The following NLRP3 variants were observed in gnomAD, a reference collection of about 807,000 sequenced individuals.
NLRP3 encodes the protein NLR family pyrin domain containing 3, also known as NACHT, LRR and PYD domains-containing protein 3.
In NLRP3, 48 loss-of-function variants were observed where a neutral mutation model predicts 91.3. The ratio of observed to expected loss-of-function variants is 0.53; its 90% CI spans 0.42 to 0.67. NLRP3 has a LOEUF of 0.67. Among genes scored for constraint, NLRP3 ranks in the 30% least tolerant of loss-of-function variants. The pLI is 0.00. For missense variants in NLRP3, 982 were observed against 1,276.9 expected, an observed-to-expected ratio of 0.77 and a Z score of 3.52; for synonymous variants, 561 against 507.9, an observed-to-expected ratio of 1.10 and a Z score of -1.41.
chr1:247,440,613 TG>T (rs1315752817), intron 7 of NLRP3, among the ~76,000 whole-genome samples: 2 of 152,172 alleles, frequency 1.3e-5, no homozygotes, highest in Non-Finnish European at 2.9e-5. Flanking sequence ...GTTTTAGAGA[TG>T]GGGACTTGCT....
chr1:247,444,510 G>A, intron 8 of NLRP3, 141 bp from the exon 9 acceptor site: 4 of 825,040 alleles, frequency 4.8e-6, no homozygotes, highest in Non-Finnish European at 8.2e-6. Flanking sequence ...CAGCATACAA[G>A]GCTGCTTGAA....
At chr1:247,428,845 G>A (rs1446859868) in intron 4 of NLRP3, among the ~76,000 whole-genome samples, 4 of 151,336 alleles carry the variant, frequency 2.6e-5, no homozygotes, top group Non-Finnish European at 4.4e-5. Flanking sequence ...CCACCTCAGA[G>A]CTTCTGATTT....
In NLRP3 at chr1:247,424,042, T is replaced by C. The variant is rs1662671545; in HGVS notation, c.593T>C (p.Val198Ala). The C allele has an allele frequency of 6.2e-7, 1 of 1,613,724 alleles. No individual in the cohort carries two copies. The highest frequency in any genetic ancestry group is 8.5e-7 in the Non-Finnish European group (1 of 1,179,952). Reference sequence around the variant, plus strand: ...AAGACCAAGACGTGTGAGAGCCCCGTGAGTCCCATTAAGATGGAGTTGCTG... The same window carrying C: ...AAGACCAAGACGTGTGAGAGCCCCGCGAGTCCCATTAAGATGGAGTTGCTG... ...IGKTKTCESP[V>A]SPIKMELLFD... The change falls in exon 4 of 10, where the codon GTG (valine) becomes GCG (alanine). Residue 198 changes from valine to alanine, a missense_variant. By Grantham distance (64) the Val-to-Ala change is moderately conservative. Coordinates refer to ENST00000336119, the MANE Select transcript of NLRP3 (RefSeq NM_001243133.2). The surrounding 1 kb of genome is among the most constrained non-coding windows in gnomAD (Gnocchi z 8.1).
At chr1:247,446,592 C>T (rs1338851840) in intron 9 of NLRP3, among the ~76,000 whole-genome samples, 1 of 152,204 alleles carries the variant, frequency 6.6e-6, no homozygotes. Flanking sequence ...CAGTATCCAC[C>T]TGCATTATTC....
chr1:247,429,605 C>A lies in NLRP3; in HGVS notation c.2171C>A (p.Thr724Asn), dbSNP rs200018240. Residue 724 changes from threonine (T) to asparagine (N), a missense_variant, in exon 5 of 10, where the codon ACT (threonine) becomes AAT (asparagine). Thr to Asn is a moderately conservative substitution (Grantham distance 65). Transcript: ENST00000336119. ...CSHGLVNSHLTSSFCRGLFSV... is the reference protein window; with the variant it reads ...CSHGLVNSHLNSSFCRGLFSV... ...CCTAGATTGGTGAACAGCCACCTCACTTCCAGTTTTTGCCGGGGCCTCTTT... is the reference window on the plus strand; with the variant it reads ...CCTAGATTGGTGAACAGCCACCTCAATTCCAGTTTTTGCCGGGGCCTCTTT... The A allele has an allele frequency of 1.9e-6, 3 of 1,614,242 alleles. No individual in the cohort carries two copies. The highest frequency in any genetic ancestry group is 2.5e-6 in the Non-Finnish European group (3 of 1,180,034).
intron 2 of NLRP3, among the ~76,000 whole-genome samples, chr1:247,420,440 A>C (rs936753532): frequency 6.6e-6 from 1 of 151,716 alleles, no homozygotes; most frequent in African/African-American, 2.4e-5. Context: ...ATGGCCGGGC[A>C]TGGTGGCTCA....
At chr1:247,443,571 AAAAAG>A (rs1337245660) in intron 7 of NLRP3, among the ~76,000 whole-genome samples, 1 of 131,558 alleles carries the variant, frequency 7.6e-6, no homozygotes, top group African/African-American at 2.6e-5. Context: ...AAAAAAAAAA[AAAAAG>A]GCCCCTGCAG....
intron 5 of NLRP3, among the ~76,000 whole-genome samples, chr1:247,432,148 G>C (rs945056996): frequency 6.6e-6 from 1 of 152,190 alleles, no homozygotes; most frequent in African/African-American, 2.4e-5. Context: ...CTCCCAAAGT[G>C]CTGGGATTAC....
intron 5 of NLRP3, among the ~76,000 whole-genome samples, chr1:247,431,350 C>G (rs1397433966): frequency 6.6e-6 from 1 of 152,206 alleles, no homozygotes; most frequent in Non-Finnish European, 1.5e-5. Flanking sequence ...AGGAGCTGCA[C>G]AGCAAGTGTT....
Position 247,444,794 on chromosome 1 carries a change from A to G in NLRP3, c.2978A>G (p.Gln993Arg), listed in dbSNP as rs369737015. 3 of 1,613,946 alleles carry G rather than the reference A, an allele frequency of 1.9e-6. No individual in the cohort carries two copies. In the African/African-American group the frequency reaches 4.0e-5, roughly 22 times the overall value. The change falls in exon 9 of 10, where the codon CAG becomes CGG. Residue 993 changes from glutamine (Q) to arginine (R), a missense_variant. Coordinates refer to ENST00000336119, the MANE Select transcript of NLRP3 (RefSeq NM_001243133.2). ...ATGATGTTCTGTGAAGTGCTGAAAC[A>G]GCAGAGCTGCCTCCTGCAGAACCTG... Reference protein sequence around the residue: ...GVMMFCEVLKQQSCLLQNLGL... With the variant: ...GVMMFCEVLKRQSCLLQNLGL...
Position 247,434,218 on chromosome 1 carries a change from A to G in NLRP3, c.2437A>G (p.Ile813Val), listed in dbSNP as rs1315428749. The change falls in exon 6 of 10, where the codon ATC becomes GTC. Residue 813 changes from isoleucine to valine, a missense_variant. Physicochemically the swap from Ile to Val is conservative, Grantham distance 29. Coordinates refer to ENST00000336119, the MANE Select transcript of NLRP3 (RefSeq NM_001243133.2). ...LSDNALGDFG[I>V]RLLCVGLKHL... ...TGACAACGCCCTCGGTGACTTCGGA[A>G]TCAGACTTCTGTGTGTGGGACTGAA... 2 of 1,614,120 alleles carry G rather than the reference A, an allele frequency of 1.2e-6. No homozygotes were observed. The highest frequency in any genetic ancestry group is 1.7e-6 in the Non-Finnish European group (2 of 1,180,048).
chr1:247,439,948 G>T (rs1001641119), intron 7 of NLRP3, among the ~76,000 whole-genome samples: 2 of 152,206 alleles, frequency 1.3e-5, no homozygotes, highest in African/African-American at 4.8e-5. Context: ...TTTGAGATAG[G>T]TATCTATAAG....
At position 247,417,277 on chromosome 1, in the gene NLRP3, GT is replaced by G. The variant is rs1287850814; in HGVS notation, c.-748-775del. ...TCTAAACCCCTCGGCAGGCTTCCTAGTCCCCCTAAGACTCAGTTTATGCATC... is the reference window on the plus strand; with the variant it reads ...TCTAAACCCCTCGGCAGGCTTCCTAGCCCCCTAAGACTCAGTTTATGCATC... On this transcript the variant is annotated intron_variant, in intron 1 of 9. Transcript: ENST00000336119. Among the ~76,000 whole-genome samples the G allele has an allele frequency of 6.6e-5, 10 of 152,160 alleles. No homozygotes were observed. The East Asian group carries it at 1.7e-3, about 26-fold the overall frequency.
intron 6 of NLRP3, among the ~76,000 whole-genome samples, chr1:247,435,614 A>G (rs1328984858): frequency 6.6e-6 from 1 of 152,228 alleles, no homozygotes; most frequent in Non-Finnish European, 1.5e-5. Context: ...GTTCTGCAAG[A>G]TGAAAGGAGT....
intron 8 of NLRP3, among the ~76,000 whole-genome samples, chr1:247,444,371 G>A (rs1183079482): frequency 6.6e-6 from 1 of 152,188 alleles, no homozygotes; most frequent in Admixed American, 6.5e-5. Context: ...AAGGAGGGCA[G>A]TATGACACTT....
chr1:247,448,507 G>C lies in NLRP3; in HGVS notation c.*3G>C, dbSNP rs975351664. ...TCGTCTTTGAGCCTTCTTGGTAGGA[G>C]TGGAAACGGGGCTGCCAGACGCCAG... On this transcript the variant is annotated 3_prime_UTR_variant, in exon 10 of 10. Coordinates refer to ENST00000336119, the MANE Select transcript of NLRP3 (RefSeq NM_001243133.2). 1 of 1,592,826 alleles carries C rather than the reference G, an allele frequency of 6.3e-7. No individual in the cohort carries two copies. The highest frequency in any genetic ancestry group is 8.6e-7 in the Non-Finnish European group (1 of 1,160,762).
Position 247,441,794 on chromosome 1 carries a change from T to G in NLRP3, c.2664-2178T>G, listed in dbSNP as rs1396780720. Among the ~76,000 whole-genome samples the G allele has an allele frequency of 2.6e-5, 4 of 152,250 alleles. No homozygotes were observed. In the East Asian group the frequency reaches 7.7e-4, roughly 29 times the overall value. On this transcript the variant is annotated intron_variant, in intron 7 of 9. Coordinates refer to ENST00000336119, the MANE Select transcript of NLRP3 (RefSeq NM_001243133.2). ...AATAGTTACCAGCATTTTCACAATTTGGATATGACGTTTTCTTAACAAAAC... is the reference window on the plus strand; with the variant it reads ...AATAGTTACCAGCATTTTCACAATTGGGATATGACGTTTTCTTAACAAAAC...
At chr1:247,443,510 T>C (rs1203166035) in intron 7 of NLRP3, among the ~76,000 whole-genome samples, 1 of 151,494 alleles carries the variant, frequency 6.6e-6, no homozygotes, top group African/African-American at 2.4e-5. Flanking sequence ...CTTTGATGTT[T>C]AAATCAGCAC....
At chr1:247,446,509 C>T (rs191584857) in intron 9 of NLRP3, among the ~76,000 whole-genome samples, 120 of 152,306 alleles carry the variant, frequency 7.9e-4, no homozygotes, top group Non-Finnish European at 1.6e-3. Flanking sequence ...GATCTCCTTG[C>T]TGTTTTGCAA....
Sources: gnomAD v4.1 joint callset for allele counts (sites outside exome capture counted in the v4.1 genomes callset) on GRCh38, gnomAD v4.1.1 for gene constraint, Gnocchi (gnomAD v3.1) non-coding constraint, MANE v1.5 for transcripts, NCBI Gene and HGNC (gene_info 2026-07-23, HGNC 2026-07-21) for gene names.